TRAF7: variants seen among roughly 807,000 people sequenced by gnomAD.
TRAF7 encodes the protein E3 ubiquitin-protein ligase TRAF7.
A neutral mutation model predicts 89.3 loss-of-function variants in TRAF7; 45 were observed. That is an observed-to-expected ratio of 0.50 (90% CI 0.40 to 0.65). TRAF7 has a LOEUF of 0.65. Ranked by LOEUF, TRAF7 falls within the 30% of genes least tolerant of loss-of-function variation. The pLI is 0.00. For missense variants in TRAF7, 677 were observed against 918.1 expected (o/e 0.74, Z 3.39); for synonymous variants, 406 against 369.2 (o/e 1.10, Z -1.14).
In TRAF7 at chr16:2,159,073, G is replaced by A. The variant is rs1188978373; in HGVS notation, c.-39+3215G>A. Among the ~76,000 whole-genome samples the A allele has an allele frequency of 2.0e-5, 3 of 152,224 alleles. No homozygotes were observed. Among genetic ancestry groups the A allele is most frequent in the South Asian group, 2.1e-4 (1 of 4,836 alleles). On this transcript the variant is annotated intron_variant, in intron 1 of 20. Transcript: ENST00000326181. The surrounding 1 kb of genome is among the most constrained non-coding windows in gnomAD (Gnocchi z 6.5). ...TGCCAGCCCCCAAGGGGTCGGAGGG[G>A]CAGCAAAAGGCATCCTTACTGTGAA... is the stretch of plus-strand genomic sequence containing the variant.
chr16:2,176,491 G>T, intron 20 of TRAF7, 69 bp from the exon 21 acceptor site: 8 of 1,612,954 alleles, frequency 5.0e-6, no homozygotes, highest in Non-Finnish European at 6.8e-6. Context: ...GCAGGTACGT[G>T]TGGCAGGTGT....
At chr16:2,176,505 T>C (rs2093137344) in intron 20 of TRAF7, 55 bp from the exon 21 acceptor site, 2 of 1,612,730 alleles carry the variant, frequency 1.2e-6, no homozygotes, top group Non-Finnish European at 8.5e-7. Context: ...CAGGTGTGGC[T>C]GGGGCAGGGC....
At chr16:2,169,805 G>A (rs1319318266) in intron 4 of TRAF7, among the ~76,000 whole-genome samples, 1 of 152,338 alleles carries the variant, frequency 6.6e-6, no homozygotes, top group East Asian at 1.9e-4. Context: ...GCCCCCCGCC[G>A]GCCTTGGGAC....
intron 2 of TRAF7, among the ~76,000 whole-genome samples, chr16:2,165,100 G>C (rs552454915): frequency 4.3e-4 from 54 of 126,244 alleles, no homozygotes; most frequent in Admixed American, 7.6e-4. Flanking sequence ...TGGTCGCATG[G>C]TTAAGCGTGT....
At position 2,176,819 on chromosome 16, in the gene TRAF7, C is replaced by T; in HGVS notation, c.*245C>T. On this transcript the variant is annotated 3_prime_UTR_variant, in exon 21 of 21. Coordinates refer to ENST00000326181, the MANE Select transcript of TRAF7 (RefSeq NM_032271.3). Reference sequence around the variant, plus strand: ...CGCTTGCCCCGGCCCACCCTCCATCCCCACCCTCCATCCCCACCCTAGATG... The same window carrying T: ...CGCTTGCCCCGGCCCACCCTCCATCTCCACCCTCCATCCCCACCCTAGATG... 1 of 615,374 alleles carries T rather than the reference C, an allele frequency of 1.6e-6. No individual in the cohort carries two copies. The highest frequency in any genetic ancestry group is 2.9e-6 in the Non-Finnish European group (1 of 345,726). The allele number at this position is 615,374 out of a possible 1,614,324, so 38.1% of individuals were successfully genotyped here.
intron 4 of TRAF7, among the ~76,000 whole-genome samples, chr16:2,169,604 G>T (rs1439905225): frequency 6.6e-6 from 1 of 152,142 alleles, no homozygotes; most frequent in Non-Finnish European, 1.5e-5. Flanking sequence ...GGGAGACTCT[G>T]GGGTAGTATT....
intron 3 of TRAF7, among the ~76,000 whole-genome samples, chr16:2,167,670 G>A (rs1048469683): frequency 1.3e-5 from 2 of 152,190 alleles, no homozygotes; most frequent in African/African-American, 4.8e-5. Context: ...GCCTCAAGAG[G>A]CAAATAAAAT....
rs535474647 is a variant in TRAF7, at chr16:2,163,791, C to T, written c.-38-92C>T. On this transcript the variant is annotated intron_variant, in intron 1 of 20. Transcript: ENST00000326181. The surrounding 1 kb of genome is among the most constrained non-coding windows in gnomAD (Gnocchi z 4.3). ...GCTGCTGCGGCGGCCCCACGGTGCC[C>T]CACAGCAGGTCTGCACACTTGCAGC... is the stretch of plus-strand genomic sequence containing the variant. 1.3e-5 allele frequency: 11 copies of T among 857,212 alleles called. No individual in the cohort carries two copies. The African/African-American group carries it at 1.7e-4, about 13-fold the overall frequency. The allele number at this position is 857,212 out of a possible 1,614,324, so 53.1% of individuals were successfully genotyped here.
Position 2,165,792 on chromosome 16 carries a change from G to A in TRAF7, c.82-87G>A, listed in dbSNP as rs1022610955. On this transcript the variant is annotated intron_variant, in intron 2 of 20. Transcript: ENST00000326181. ...GAGTGCTGCGTGGCCTGGCCTGGTC[G>A]CGTGTTAGGCATGTGAGTGGGCTCC... 122 of 1,506,702 alleles carry A rather than the reference G, an allele frequency of 8.1e-5. 1 individual carries two copies. Among genetic ancestry groups the A allele is most frequent in the Admixed American group, 1.0e-4 (6 of 58,504 alleles). 93.3% of individuals were successfully genotyped at this position (1,506,702 alleles called of 1,614,324 possible).
Position 2,176,955 on chromosome 16 carries a change from G to T in TRAF7, c.*381G>T, listed in dbSNP as rs1001025387. 7.1e-5 allele frequency: 31 copies of T among 434,762 alleles called. No individual in the cohort carries two copies. The highest frequency in any genetic ancestry group is 1.2e-4 in the Non-Finnish European group (29 of 232,608). 26.9% of individuals were successfully genotyped at this position (434,762 alleles called of 1,614,324 possible). A position where few individuals can be genotyped will look rare whatever the true frequency, so the allele number is the denominator to read the frequency against. ...CAGACTGTGGCTGTGAGTGGGGACA[G>T]CTCCTCGGGACAAGGGGGCTGTGTG... On this transcript the variant is annotated 3_prime_UTR_variant, in exon 21 of 21. Coordinates refer to ENST00000326181, the MANE Select transcript of TRAF7 (RefSeq NM_032271.3).
In TRAF7 at chr16:2,171,559, T is replaced by C; in HGVS notation, c.442-13T>C. 1.2e-6 allele frequency: 2 copies of C among 1,613,258 alleles called. No individual in the cohort carries two copies. The highest frequency in any genetic ancestry group is 1.7e-6 in the Non-Finnish European group (2 of 1,179,880). ...CCCTGCGCCACCCTCAAGCCCGCCC[T>C]TTGCCTCCACAGCACACGTTCTGTA... On this transcript the variant is annotated splice_polypyrimidine_tract_variant and intron_variant, in intron 6 of 20. Coordinates refer to ENST00000326181, the MANE Select transcript of TRAF7 (RefSeq NM_032271.3).
chr16:2,173,859 T>TGGCCGCCCCCCCC, intron 12 of TRAF7, 23 bp downstream of exon 12: 1 of 1,246,240 alleles, frequency 8.0e-7, no homozygotes, highest in Non-Finnish European at 1.1e-6. Context: ...CCGCCGTGGC[T>TGGCCGCCCCCCCC]CCCGCCCACC....
At position 2,172,616 on chromosome 16, in the gene TRAF7, C is replaced by T. The variant is rs1460063719; in HGVS notation, c.794+17C>T. The T allele has an allele frequency of 3.5e-5, 27 of 781,176 alleles. No homozygotes were observed. Among genetic ancestry groups the T allele is most frequent in the Middle Eastern group, 9.7e-4 (2 of 2,072 alleles). The allele number at this position is 781,176 out of a possible 1,614,324, so 48.4% of individuals were successfully genotyped here. The stretch of plus-strand genomic sequence containing the variant: ...CAAGTACGGGTGAGTGGGGGGCGGG[C>T]GGGGGTGGGCCGGGGTGGGCGCAGG... On this transcript the variant is annotated intron_variant, in intron 9 of 20. Coordinates refer to ENST00000326181, the MANE Select transcript of TRAF7 (RefSeq NM_032271.3).
Position 2,173,365 on chromosome 16 carries a change from C to T in TRAF7, c.978C>T (p.Ile326=), listed in dbSNP as rs113743245. The T allele has an allele frequency of 1.9e-6, 3 of 1,613,534 alleles. No homozygotes were observed. Among genetic ancestry groups the T allele is most frequent in the South Asian group, 1.1e-5 (1 of 91,088 alleles). The change falls in exon 10 of 21, where the codon ATC becomes ATT. Residue 326 remains isoleucine (I), a synonymous_variant. Transcript: ENST00000326181. ...RSMLGKLSEK[I]DQLEKSLELK... is the part of the protein sequence containing the mutation. ...TGCTGGGAAAGCTCTCGGAGAAGAT[C>T]GACCAGCTAGAGAAGAGCCTGGAGC...
intron 9 of TRAF7, 26 bp downstream of exon 9, chr16:2,172,625 G>C: frequency 4.8e-6 from 6 of 1,237,238 alleles, no homozygotes; most frequent in South Asian, 2.6e-5. Context: ...GCGGGGGTGG[G>C]CCGGGGTGGG....
intron 20 of TRAF7, 62 bp downstream of exon 20, chr16:2,176,446 G>T (rs979390711): frequency 2.5e-6 from 4 of 1,612,216 alleles, no homozygotes; most frequent in South Asian, 1.1e-5. Flanking sequence ...GGGTGGGGAC[G>T]AGGAGCTGGC....
chr16:2,175,409 G>A lies in TRAF7; in HGVS notation c.1495G>A (p.Ala499Thr). 9 of 1,613,522 alleles carry A rather than the reference G, an allele frequency of 5.6e-6. No individual in the cohort carries two copies. Among genetic ancestry groups the A allele is most frequent in the Non-Finnish European group, 7.6e-6 (9 of 1,179,932 alleles). The change falls in exon 16 of 21, where the codon GCC (alanine) becomes ACC (threonine). Residue 499 changes from alanine to threonine, a missense_variant. Ala to Thr is a moderately conservative substitution (Grantham distance 58). Transcript: ENST00000326181. ...CGTGCTCTTCAGCGGCTCCCTGAAG[G>A]CCATCAAGGTACGGGTGGAGGCTGT... The part of the protein sequence containing the change: ...HNVLFSGSLK[A>T]IKVWDIVGTE...
chr16:2,161,169 C>G lies in TRAF7; in HGVS notation c.-38-2714C>G, dbSNP rs2141266660. ...AAGCAGCCTCCTGTGCAGAGTATCC[C>G]CCTCCTTCCCTCCCTCCTTCCGTCC... On this transcript the variant is annotated intron_variant, in intron 1 of 20. Transcript: ENST00000326181. The surrounding 1 kb of genome is among the most constrained non-coding windows in gnomAD (Gnocchi z 5.2). Among the ~76,000 whole-genome samples the G allele has an allele frequency of 6.7e-6, 1 of 150,174 alleles. No homozygotes were observed. Among genetic ancestry groups the G allele is most frequent in the African/African-American group, 2.4e-5 (1 of 40,914 alleles).
rs1338498216 is a variant in TRAF7, at chr16:2,175,829, C to G, written c.1627-5C>G. ...TGGGACCAACTGGCCCACGATTACT[C>G]ATAGATCTGGGACATCCGAACCCTT... On this transcript the variant is annotated splice_polypyrimidine_tract_variant and splice_region_variant and intron_variant, in intron 17 of 20. Transcript: ENST00000326181. 6.2e-7 allele frequency: 1 copy of G among 1,612,940 alleles called. No homozygotes were observed. The highest frequency in any genetic ancestry group is 8.5e-7 in the Non-Finnish European group (1 of 1,179,710).
Sources: allele counts gnomAD v4.1 joint callset (sites outside exome capture counted in the v4.1 genomes callset), GRCh38; gene constraint gnomAD v4.1.1; non-coding constraint Gnocchi (gnomAD v3.1); transcripts MANE v1.5; gene names NCBI Gene and HGNC (gene_info 2026-07-23, HGNC 2026-07-21).